The following SLC27A3 variants were observed in gnomAD, a reference collection of about 807,000 sequenced individuals.
SLC27A3 encodes the protein long-chain fatty acid transport protein 3.
SLC27A3 carries 60 observed loss-of-function variants against 60.1 expected under a neutral mutation model. The observed-to-expected ratio is 1.00, with a 90% CI of 0.81 to 1.24. SLC27A3 has a LOEUF of 1.24. SLC27A3 is among the 50% of genes most tolerant of loss of function. The probability of loss-of-function intolerance (pLI) is 0.00; values close to 1 mark genes in which losing one functional copy is unlikely to be tolerated. For synonymous variants in SLC27A3, 455 were observed against 409.0 expected (o/e 1.11, Z -1.36); for missense variants, 1,079 against 929.9 (o/e 1.16, Z -2.09).
Position 153,777,088 on chromosome 1 carries a change from C to T in SLC27A3, c.904C>T (p.His302Tyr). Reference protein sequence around the residue: ...TGLPKAARISHLKILQCQGFY... With the variant: ...TGLPKAARISYLKILQCQGFY... ...CCTCCCCAAGGCTGCTCGGATCAGTCATCTGAAGATCCTGCAATGCCAGGG... is the reference window on the plus strand; with the variant it reads ...CCTCCCCAAGGCTGCTCGGATCAGTTATCTGAAGATCCTGCAATGCCAGGG... The change falls in exon 3 of 10, where the codon CAT becomes TAT. Residue 302 changes from histidine to tyrosine, a missense_variant. Coordinates refer to ENST00000624995, the MANE Select transcript of SLC27A3 (RefSeq NM_024330.4). 1 of 1,614,244 alleles carries T rather than the reference C, an allele frequency of 6.2e-7. No homozygotes were observed. The highest frequency in any genetic ancestry group is 8.5e-7 in the Non-Finnish European group (1 of 1,180,032).
At position 153,775,654 on chromosome 1, in the gene SLC27A3, G is replaced by A. The variant is rs1452344007; in HGVS notation, c.157G>A (p.Ala53Thr). Residue 53 changes from alanine to threonine, a missense_variant, in exon 1 of 10, where the codon GCG becomes ACG. Coordinates refer to ENST00000624995, the MANE Select transcript of SLC27A3 (RefSeq NM_024330.4). ...KRALRARALA[A>T]AAADPEGPEG... ...GGCTCTTCGAGCTCGCGCCCTGGCCGCGGCTGCCGCCGACCCGGAAGGTCC... is the reference window on the plus strand; with the variant it reads ...GGCTCTTCGAGCTCGCGCCCTGGCCACGGCTGCCGCCGACCCGGAAGGTCC... The A allele has an allele frequency of 1.3e-6, 2 of 1,530,208 alleles. No individual in the cohort carries two copies. The highest frequency in any genetic ancestry group is 8.8e-7 in the Non-Finnish European group (1 of 1,139,736). The allele number at this position is 1,530,208 out of a possible 1,614,324, so 94.8% of individuals were successfully genotyped here.
Position 153,775,485 on chromosome 1 carries a change from G to C in SLC27A3, c.-13G>C. The C allele has an allele frequency of 1.2e-6, 2 of 1,613,284 alleles. No homozygotes were observed. The highest frequency in any genetic ancestry group is 1.7e-6 in the Non-Finnish European group (2 of 1,180,028). ...GCTGGAACCAGACGGTGCCGATAGA[G>C]GAAGCGGGCTCCATGGCTGCCCTCC... On this transcript the variant is annotated 5_prime_UTR_variant, in exon 1 of 10. Coordinates refer to ENST00000624995, the MANE Select transcript of SLC27A3 (RefSeq NM_024330.4).
chr1:153,777,370 A>G (rs1673284564), intron 3 of SLC27A3, 150 bp downstream of exon 3: 1 of 899,912 alleles, frequency 1.1e-6, no homozygotes, highest in African/African-American at 1.7e-5. Flanking sequence ...GGGCAATGTC[A>G]CCTGCCTAGA....
At chr1:153,778,636 A>C (rs2101848614) in intron 6 of SLC27A3, 51 bp from the exon 7 acceptor site, 1 of 1,611,066 alleles carries the variant, frequency 6.2e-7, no homozygotes, top group East Asian at 2.2e-5. Flanking sequence ...GGATGGGGGC[A>C]GAAGGCTCTG....
In SLC27A3 at chr1:153,776,721, AC is replaced by A. The variant is rs985863093; in HGVS notation, c.873del (p.Thr292ArgfsTer12). 2.5e-6 allele frequency: 4 copies of A among 1,613,802 alleles called. No individual in the cohort carries two copies. The African/African-American group carries it at 5.3e-5, about 22-fold the overall frequency. ...GTGCCTGTACATCTTCACCTCTGGCACCACGGGTGAGGGCCGGGCACCATAC... is the reference window on the plus strand; with the variant it reads ...GTGCCTGTACATCTTCACCTCTGGCACACGGGTGAGGGCCGGGCACCATAC... ...DTCLYIFTSG[T>X]TGLPKAARIS... On this transcript the variant is annotated frameshift_variant, in exon 2 of 10. Coordinates refer to ENST00000624995, the MANE Select transcript of SLC27A3 (RefSeq NM_024330.4). LOFTEE classifies it high-confidence loss of function.
rs550497581 is a variant in SLC27A3, at chr1:153,776,120, A to C, written c.623A>C (p.His208Pro). The C allele has an allele frequency of 4.2e-5, 61 of 1,464,416 alleles. No individual in the cohort carries two copies. In the Admixed American group the frequency reaches 1.6e-3, roughly 39 times the overall value. The allele number at this position is 1,464,416 out of a possible 1,614,324, so 90.7% of individuals were successfully genotyped here. ...PTALRRGPLL[H>P]CLRSCGARAL... ...GCCCTGCGCCGGGGCCCCCTGCTGC[A>C]CTGCCTCCGCAGCTGCGGCGCGCGC... Residue 208 changes from histidine to proline, a missense_variant, in exon 1 of 10, where the codon CAC becomes CCC. By Grantham distance (77) the His-to-Pro change is moderately conservative. Coordinates refer to ENST00000624995, the MANE Select transcript of SLC27A3 (RefSeq NM_024330.4).
rs750249693 is a variant in SLC27A3, at chr1:153,777,829, G to T, written c.1105G>T (p.Val369Leu). The T allele has an allele frequency of 6.2e-7, 1 of 1,614,258 alleles. No homozygotes were observed. The highest frequency in any genetic ancestry group is 1.1e-5 in the South Asian group (1 of 91,086). ...CTGGGAAGATTGCCAGCAGCACAGG[G>T]TGACGGTGTTCCAGTACATTGGGGA... ...QFWEDCQQHR[V>L]TVFQYIGELC... The change falls in exon 4 of 10, where the codon GTG becomes TTG. Residue 369 changes from valine to leucine, a missense_variant. Val to Leu is a conservative substitution (Grantham distance 32). Transcript: ENST00000624995.
chr1:153,778,560 G>T lies in SLC27A3; in HGVS notation c.1447+7G>T. The T allele has an allele frequency of 6.2e-7, 1 of 1,613,768 alleles. No individual in the cohort carries two copies. The highest frequency in any genetic ancestry group is 8.5e-7 in the Non-Finnish European group (1 of 1,179,646). On this transcript the variant is annotated splice_region_variant and intron_variant, in intron 6 of 9. Transcript: ENST00000624995. ...TGTATGGCCACATCTCCAGGTTGGT[G>T]GTGTTCTGGTGGGGTGGGCGGGGTG...
chr1:153,777,147 T>C lies in SLC27A3; in HGVS notation c.963T>C (p.Asp321=). 1.2e-6 allele frequency: 2 copies of C among 1,614,282 alleles called. No individual in the cohort carries two copies. Among genetic ancestry groups the C allele is most frequent in the Non-Finnish European group, 1.7e-6 (2 of 1,180,048 alleles). The change falls in exon 3 of 10, where the codon GAT becomes GAC. Residue 321 remains aspartate, a synonymous_variant. Coordinates refer to ENST00000624995, the MANE Select transcript of SLC27A3 (RefSeq NM_024330.4). ...FYQLCGVHQE[D]VIYLALPLYH... Reference sequence around the variant, plus strand: ...AGCTGTGTGGTGTCCACCAGGAAGATGTGATCTACCTCGCCCTCCCACTCT... The same window carrying C: ...AGCTGTGTGGTGTCCACCAGGAAGACGTGATCTACCTCGCCCTCCCACTCT...
chr1:153,780,012 C>G lies in SLC27A3; in HGVS notation c.*10C>G, dbSNP rs760068191. 33 of 1,601,070 alleles carry G rather than the reference C, an allele frequency of 2.1e-5. No individual in the cohort carries two copies. The South Asian group carries it at 3.5e-4, about 17-fold the overall frequency. On this transcript the variant is annotated 3_prime_UTR_variant, in exon 10 of 10. Coordinates refer to ENST00000624995, the MANE Select transcript of SLC27A3 (RefSeq NM_024330.4). ...AAACCTTCGAATCTGAGAACTTCCA[C>G]ACCTGAGGCACCTGAGAGAGGAACT...
In SLC27A3 at chr1:153,776,069, G is replaced by C. The variant is rs773674131; in HGVS notation, c.572G>C (p.Gly191Ala). The C allele has an allele frequency of 1.1e-5, 16 of 1,475,910 alleles. No individual in the cohort carries two copies. Among genetic ancestry groups the C allele is most frequent in the Middle Eastern group, 2.2e-4 (1 of 4,548 alleles). 91.4% of individuals were successfully genotyped at this position (1,475,910 alleles called of 1,614,324 possible). The change falls in exon 1 of 10, where the codon GGC becomes GCC. Residue 191 changes from glycine to alanine, a missense_variant. Transcript: ENST00000624995. The stretch of plus-strand genomic sequence containing the variant: ...CTCTGGTTCGGGCTGGCCAAGGCCG[G>C]CCTGCGCACTGCCTTTGTGCCCACC... Reference protein sequence around the residue: ...LWLWFGLAKAGLRTAFVPTAL... With the variant: ...LWLWFGLAKAALRTAFVPTAL...
Position 153,778,898 on chromosome 1 carries a change from A to G in SLC27A3, c.1646+13A>G. On this transcript the variant is annotated intron_variant, in intron 7 of 9. Transcript: ENST00000624995. Reference sequence around the variant, plus strand: ...GAGACACCTTCAGGTATCTGTCCATAACTGGTTTTTCATCCTGGACATCTG... The same window carrying G: ...GAGACACCTTCAGGTATCTGTCCATGACTGGTTTTTCATCCTGGACATCTG... 1 of 1,613,282 alleles carries G rather than the reference A, an allele frequency of 6.2e-7. No individual in the cohort carries two copies. The highest frequency in any genetic ancestry group is 8.5e-7 in the Non-Finnish European group (1 of 1,179,322).
intron 7 of SLC27A3, 108 bp downstream of exon 7, chr1:153,778,993 T>A (rs1673384560): frequency 2.8e-6 from 4 of 1,450,986 alleles, no homozygotes; most frequent in Non-Finnish European, 3.9e-6. Flanking sequence ...CCTAAGCTAA[T>A]CTCTCATTCT....
Position 153,776,673 on chromosome 1 carries a change from T to TC in SLC27A3, c.829dup (p.Gln277ProfsTer119), listed in dbSNP as rs751881128. 1.1e-5 allele frequency: 17 copies of TC among 1,613,790 alleles called. No homozygotes were observed. The highest frequency in any genetic ancestry group is 8.3e-5 in the Admixed American group (5 of 59,986). ...TGGGCCAGTGCCAGGATACCTCTCT[T>TC]CCCCCCAGAGCATAACAGACACGTG... is the stretch of plus-strand genomic sequence containing the variant. On this transcript the variant is annotated frameshift_variant, in exon 2 of 10. Transcript: ENST00000624995. LOFTEE classifies it high-confidence loss of function.
At chr1:153,779,619 C>A in intron 9 of SLC27A3, 146 bp downstream of exon 9, 2 of 1,042,096 alleles carry the variant, frequency 1.9e-6, no homozygotes, top group Non-Finnish European at 2.8e-6. Flanking sequence ...AGAAAAAACA[C>A]GGAGACACAA....
intron 2 of SLC27A3, 128 bp downstream of exon 2, chr1:153,776,855 C>G (rs995738150): frequency 4.1e-6 from 4 of 968,052 alleles, no homozygotes; most frequent in Non-Finnish European, 6.2e-6. Context: ...TTTTTCTCCC[C>G]ATCATTTCAC....
chr1:153,776,114 T>C lies in SLC27A3; in HGVS notation c.617T>C (p.Leu206Pro). ...FVPTALRRGP[L>P]LHCLRSCGAR... ...CCCACCGCCCTGCGCCGGGGCCCCC[T>C]GCTGCACTGCCTCCGCAGCTGCGGC... Residue 206 changes from leucine (L) to proline (P), a missense_variant, in exon 1 of 10, where the codon CTG (leucine) becomes CCG (proline). Coordinates refer to ENST00000624995, the MANE Select transcript of SLC27A3 (RefSeq NM_024330.4). The C allele has an allele frequency of 2.0e-6, 3 of 1,471,216 alleles. No individual in the cohort carries two copies. The highest frequency in any genetic ancestry group is 2.7e-6 in the Non-Finnish European group (3 of 1,125,688). The allele number at this position is 1,471,216 out of a possible 1,614,324, so 91.1% of individuals were successfully genotyped here. A position where few individuals can be genotyped will look rare whatever the true frequency, so the allele number is the denominator to read the frequency against.
Position 153,775,538 on chromosome 1 carries a change from C to T in SLC27A3, c.41C>T (p.Pro14Leu). Reference protein sequence around the residue: ...LLLLPLLLLLPLLLLKLHLWP... With the variant: ...LLLLPLLLLLLLLLLKLHLWP... ...CTGCTGCCCCTGCTGCTGTTGCTAC[C>T]GCTGCTGCTGCTGAAGCTACACCTC... Residue 14 changes from proline to leucine, a missense_variant, in exon 1 of 10, where the codon CCG becomes CTG. Transcript: ENST00000624995. The T allele has an allele frequency of 7.4e-6, 12 of 1,612,504 alleles. No homozygotes were observed. The highest frequency in any genetic ancestry group is 9.3e-6 in the Non-Finnish European group (11 of 1,179,874).
chr1:153,777,617 C>A (rs948661714), intron 3 of SLC27A3, 144 bp from the exon 4 acceptor site: 50 of 1,073,528 alleles, frequency 4.7e-5, no homozygotes, highest in Non-Finnish European at 6.9e-5. Flanking sequence ...AGGGCCAGCA[C>A]GGCTTCCTGA....
Sources: gnomAD v4.1 joint callset for allele counts on GRCh38, gnomAD v4.1.1 for gene constraint, MANE v1.5 for transcripts, NCBI Gene and HGNC (gene_info 2026-07-23, HGNC 2026-07-21) for gene names.